The following FSIP2 variants were observed in gnomAD, a reference collection of about 807,000 sequenced individuals.
The protein encoded by FSIP2 is fibrous sheath interacting protein 2.
FSIP2 carries 367 observed loss-of-function variants against 510.5 expected under a neutral mutation model. The observed-to-expected ratio is 0.72, with a 90% CI of 0.66 to 0.78. FSIP2 has a LOEUF of 0.78. Among genes scored for constraint, FSIP2 ranks in the 30% least tolerant of loss-of-function variants. FSIP2 has a pLI of 0.00. For missense variants in FSIP2, 7,594 were observed against 7,901.7 expected, an observed-to-expected ratio of 0.96 and a Z score of 1.48; for synonymous variants, 2,601 against 2,732.2, an observed-to-expected ratio of 0.95 and a Z score of 1.50.
upstream of FSIP2, among the ~76,000 whole-genome samples, chr2:185,737,963 A>G (rs183375335): frequency 1.3e-5 from 2 of 152,238 alleles, no homozygotes; most frequent in African/African-American, 4.8e-5. Context: ...AAATAAATAA[A>G]TGTTTAAAAG....
At chr2:185,772,647 T>C (rs1359010696) in intron 13 of FSIP2, among the ~76,000 whole-genome samples, 2 of 152,122 alleles carry the variant, frequency 1.3e-5, no homozygotes, top group Non-Finnish European at 2.9e-5. Context: ...ATCCAAACAC[T>C]TCCCATCAGG....
At chr2:185,766,502 G>A (rs1467653992) in intron 13 of FSIP2, 2 of 147,610 alleles carry the variant, frequency 1.4e-5, no homozygotes, top group Admixed American at 1.4e-4. Flanking sequence ...CAAAAAGTGG[G>A]TGAAGGACAT....
At chr2:185,824,363 CTTTTG>C in intron 19 of FSIP2, 66 bp from the exon 20 acceptor site, 1 of 995,756 alleles carries the variant, frequency 1.0e-6, no homozygotes. Context: ...AATAACTGTT[CTTTTG>C]CTTAACCAGT....
intron 19 of FSIP2, 102 bp from the exon 20 acceptor site, chr2:185,824,332 C>T (rs1419455560): frequency 2.6e-6 from 2 of 760,808 alleles, no homozygotes; most frequent in African/African-American, 3.6e-5. Flanking sequence ...TATACTATTT[C>T]AGGTTTCTTT....
In FSIP2 at chr2:185,790,703, T is replaced by C. The variant is rs371053150; in HGVS notation, c.3567T>C (p.Thr1189=). The stretch of plus-strand genomic sequence containing the variant: ...CATCAAACTACATTTCCAATACCAC[T>C]AAAAGTTCCATTTCATCATCAGTTC... The part of the protein sequence containing the change: ...HKASNYISNT[T]KSSISSSVHQ... Residue 1189 remains threonine (T), a synonymous_variant, in exon 16 of 23, where the codon ACT becomes ACC. Transcript: ENST00000424728. 1 of 1,533,988 alleles carries C rather than the reference T, an allele frequency of 6.5e-7. No individual in the cohort carries two copies. The highest frequency in any genetic ancestry group is 8.7e-7 in the Non-Finnish European group (1 of 1,145,440).
chr2:185,746,360 C>A (rs1692034096), intron 5 of FSIP2, among the ~76,000 whole-genome samples: 1 of 151,884 alleles, frequency 6.6e-6, no homozygotes, highest in Non-Finnish European at 1.5e-5. Flanking sequence ...TATTCTTAAA[C>A]CTACTGAGTT....
Position 185,795,473 on chromosome 2 carries a change from G to A in FSIP2, c.8337G>A (p.Leu2779=), listed in dbSNP as rs1693244614. 16 of 1,534,670 alleles carry A rather than the reference G, an allele frequency of 1.0e-5. No homozygotes were observed. The highest frequency in any genetic ancestry group is 1.3e-5 in the Non-Finnish European group (15 of 1,146,082). The stretch of plus-strand genomic sequence containing the variant: ...CAGGTAAAATAGTTAATACAGTTTT[G>A]CAAGAATTATATGTTACCAATAACT... ...IAAGKIVNTV[L]QELYVTNNCN... The change falls in exon 16 of 23, where the codon TTG becomes TTA. Residue 2779 remains leucine, a synonymous_variant. Coordinates refer to ENST00000424728, the MANE Select transcript of FSIP2 (RefSeq NM_173651.4).
At chr2:185,747,177 A>T in intron 6 of FSIP2, 136 bp from the exon 7 acceptor site, 1 of 571,708 alleles carries the variant, frequency 1.7e-6, no homozygotes, top group Non-Finnish European at 3.1e-6. Context: ...TCTAAACCGA[A>T]CGTATGCCTT....
At chr2:185,739,157 C>T (rs1691867601) in intron 1 of FSIP2, 164 bp downstream of exon 1, 2 of 1,160,634 alleles carry the variant, frequency 1.7e-6, no homozygotes, top group Admixed American at 3.0e-5. Context: ...TCGGACTGTA[C>T]CGGCCGCAAC....
chr2:185,775,836 G>C (rs1019011721), intron 13 of FSIP2, among the ~76,000 whole-genome samples: 1 of 152,020 alleles, frequency 6.6e-6, no homozygotes, highest in African/African-American at 2.4e-5. Context: ...GCTAATTTTT[G>C]TATTTTTAGT....
chr2:185,771,188 G>C (rs1692600584), intron 13 of FSIP2, among the ~76,000 whole-genome samples: 1 of 152,190 alleles, frequency 6.6e-6, no homozygotes, highest in African/African-American at 2.4e-5. Flanking sequence ...GCTGCTGGTG[G>C]CTGTACCATG....
chr2:185,753,573 C>T, intron 7 of FSIP2, 149 bp from the exon 8 acceptor site: 1 of 449,300 alleles, frequency 2.2e-6, no homozygotes, highest in Non-Finnish European at 3.9e-6. Context: ...TGGAAATTTG[C>T]CCCTTACTAC....
intron 22 of FSIP2, 76 bp downstream of exon 22, chr2:185,831,958 TA>T: frequency 1.2e-6 from 1 of 866,392 alleles, no homozygotes. Context: ...AATTTTTTAT[TA>T]CTTTCCTGGA....
chr2:185,822,307 T>C (rs1693937800), intron 19 of FSIP2, among the ~76,000 whole-genome samples: 1 of 151,944 alleles, frequency 6.6e-6, no homozygotes, highest in African/African-American at 2.4e-5. Context: ...GGTCATAATG[T>C]AGAAACCCCT....
At chr2:185,779,213 T>C (rs1692791343) in intron 13 of FSIP2, among the ~76,000 whole-genome samples, 1 of 152,062 alleles carries the variant, frequency 6.6e-6, no homozygotes, top group Non-Finnish European at 1.5e-5. Flanking sequence ...TACTGCCTTA[T>C]TTGTGGTTTC....
At chr2:185,757,474 G>T (rs1692265631) in intron 9 of FSIP2, among the ~76,000 whole-genome samples, 1 of 151,344 alleles carries the variant, frequency 6.6e-6, no homozygotes, top group Non-Finnish European at 1.5e-5. Flanking sequence ...TTGTTTCAGT[G>T]AAGGGTATGT....
At position 185,761,031 on chromosome 2, in the gene FSIP2, TA is replaced by T; in HGVS notation, c.1124del (p.Asn375IlefsTer21). 6.6e-7 allele frequency: 1 copy of T among 1,509,104 alleles called. No homozygotes were observed. Among genetic ancestry groups the T allele is most frequent in the Non-Finnish European group, 8.9e-7 (1 of 1,127,296 alleles). The allele number at this position is 1,509,104 out of a possible 1,614,324, so 93.5% of individuals were successfully genotyped here. ...AAHQRQNSSNNFTKKNSASVV... is the reference protein window; with the variant it reads ...AAHQRQNSSNXFTKKNSASVV... ...CTCATCAGCGTCAAAATAGTTCAAA[TA>T]ATTTTACGAAAAAAAACTCAGCTTC... On this transcript the variant is annotated frameshift_variant, in exon 10 of 23. Transcript: ENST00000424728. LOFTEE classifies it high-confidence loss of function.
In FSIP2 at chr2:185,808,357, G is replaced by T. The variant is rs764039919; in HGVS notation, c.19051G>T (p.Val6351Leu). ...ATTAGATGCCAAACTTTTAGAAGAGGTGTTGGCCTTGTTCTTGGCTAAACT... is the reference window on the plus strand; with the variant it reads ...ATTAGATGCCAAACTTTTAGAAGAGTTGTTGGCCTTGTTCTTGGCTAAACT... The part of the protein sequence containing the change: ...LTLDAKLLEE[V>L]LALFLAKLIR... The change falls in exon 17 of 23, where the codon GTG becomes TTG. Residue 6351 changes from valine to leucine, a missense_variant. Transcript: ENST00000424728. 85 of 1,611,342 alleles carry T rather than the reference G, an allele frequency of 5.3e-5. 1 individual carries two copies. Among genetic ancestry groups the T allele is most frequent in the Non-Finnish European group, 7.2e-5 (85 of 1,179,144 alleles).
At position 185,814,190 on chromosome 2, in the gene FSIP2, T is replaced by C. The variant is rs981189162; in HGVS notation, c.20325+148T>C. ...ATATTTACAGGATAAGGGAAATTAT[T>C]ACCAGGTACAGCTATGAAACTCAAC... On this transcript the variant is annotated intron_variant, in intron 18 of 22. Coordinates refer to ENST00000424728, the MANE Select transcript of FSIP2 (RefSeq NM_173651.4). 1.9e-5 allele frequency: 15 copies of C among 785,450 alleles called. No homozygotes were observed. The African/African-American group carries it at 2.1e-4, about 11-fold the overall frequency. The allele number at this position is 785,450 out of a possible 1,614,324, so 48.7% of individuals were successfully genotyped here. A position where few individuals can be genotyped will look rare whatever the true frequency, so the allele number is the denominator to read the frequency against.
Sources: gnomAD v4.1 joint callset for allele counts (sites outside exome capture counted in the v4.1 genomes callset) on GRCh38, gnomAD v4.1.1 for gene constraint, MANE v1.5 for transcripts, NCBI Gene and HGNC (gene_info 2026-07-23, HGNC 2026-07-21) for gene names.